The following ZNF568 variants were observed in gnomAD, a reference collection of about 807,000 sequenced individuals.
ZNF568 encodes p53 inhibitor of SCO2 activation.
Under a neutral mutation model 18.1 loss-of-function variants are expected in ZNF568, and 11 were observed. The ratio of observed to expected loss-of-function variants is 0.61; its 90% CI spans 0.38 to 1.00. The LOEUF is 1.00. Among genes scored for constraint, ZNF568 ranks in the 50% least tolerant of loss-of-function variants. ZNF568 has a pLI of 0.01. For synonymous variants in ZNF568, 213 were observed against 246.6 expected (o/e 0.86, Z 1.28); for missense variants, 639 against 768.2 (o/e 0.83, Z 1.99).
chr19:36,954,813 G>A (rs2074095313), downstream of ZNF568, among the ~76,000 whole-genome samples: 1 of 151,716 alleles, frequency 6.6e-6, no homozygotes, highest in Non-Finnish European at 1.5e-5. Flanking sequence ...CTGACCTCAG[G>A]TGATCCACCC....
At chr19:36,925,964 A>C (rs1289288839) in intron 4 of ZNF568, among the ~76,000 whole-genome samples, 1 of 152,104 alleles carries the variant, frequency 6.6e-6, no homozygotes, top group Non-Finnish European at 1.5e-5. Context: ...TAATTCCTTA[A>C]TTCTTACAAT....
rs1035701023 is a variant in ZNF568 at position 36,963,037 on chromosome 19, G to C, written c.359-11383G>C. 3.3e-5 allele frequency among the ~76,000 whole-genome samples: 5 copies of C among 152,084 alleles called. 1 individual carries two copies. Among genetic ancestry groups the C allele is most frequent in the African/African-American group, 1.2e-4 (5 of 41,424 alleles). On this transcript the variant is annotated intron_variant, in intron 6 of 7. Transcript: ENST00000427117. Reference sequence around the variant, plus strand: ...TGTCTGAATCTCTTGTTAGGCTTTGGAAGTTTTCATCCATAATTTTATTAA... The same window carrying C: ...TGTCTGAATCTCTTGTTAGGCTTTGCAAGTTTTCATCCATAATTTTATTAA...
downstream of ZNF568, chr19:36,997,628 CA>C: frequency 6.7e-7 from 1 of 1,496,604 alleles, no homozygotes; most frequent in Non-Finnish European, 9.0e-7. Flanking sequence ...GGTGAGAAAC[CA>C]TATGAATGTC....
chr19:36,950,403 C>T lies in ZNF568; in HGVS notation c.1250C>T (p.Pro417Leu), dbSNP rs762810225. The T allele has an allele frequency of 2.0e-5, 32 of 1,613,852 alleles. No individual in the cohort carries two copies. The highest frequency in any genetic ancestry group is 2.0e-5 in the Non-Finnish European group (24 of 1,179,982). Residue 417 changes from proline to leucine, a missense_variant, in exon 7 of 7, where the codon CCC becomes CTC. By Grantham distance (98) the Pro-to-Leu change is moderately conservative. Coordinates refer to ENST00000333987, the MANE Select transcript of ZNF568 (RefSeq NM_198539.4). ...ATGAGAAGTCACACTGGTGAGAAAC[C>T]CTATGTATGTAGTGAATGTGGGAAA... ...IHMRSHTGEK[P>L]YVCSECGKAF... is the part of the protein sequence containing the mutation.
At chr19:36,993,596 G>A (rs1467511292) in intron 4 of ZNF568, among the ~76,000 whole-genome samples, 1 of 151,960 alleles carries the variant, frequency 6.6e-6, no homozygotes, top group African/African-American at 2.4e-5. Flanking sequence ...GTCTATTCAG[G>A]TATTCTATTT....
intron 4 of ZNF568, chr19:36,991,954 C>G: frequency 1.2e-6 from 1 of 836,734 alleles, no homozygotes; most frequent in East Asian, 2.8e-5. Flanking sequence ...CCTAAAAAGG[C>G]TTGAGATCTG....
rs1345444201 is a variant in ZNF568, at chr19:36,922,584, A to G, written c.-185-2A>G. ...AAATTAGATTTATATCCTAATCCAC[A>G]GGTCCTGGTTCCACAAGGATAAAAC... On this transcript the variant is annotated splice_acceptor_variant, in intron 2 of 6. Transcript: ENST00000333987. LOFTEE classifies it low-confidence loss of function (5UTR_SPLICE). The G allele has an allele frequency of 2.2e-6, 1 of 450,052 alleles. No homozygotes were observed. Among genetic ancestry groups the G allele is most frequent in the Non-Finnish European group, 4.0e-6 (1 of 252,428 alleles). The allele number at this position is 450,052 out of a possible 1,614,324, so 27.9% of individuals were successfully genotyped here. A position where few individuals can be genotyped will look rare whatever the true frequency, so the allele number is the denominator to read the frequency against.
chr19:36,972,047 A>G lies in ZNF568; in HGVS notation c.359-2373A>G, dbSNP rs577797421. Among the ~76,000 whole-genome samples the G allele has an allele frequency of 2.0e-5, 3 of 151,780 alleles. No homozygotes were observed. In the South Asian group the frequency reaches 6.2e-4, roughly 32 times the overall value. On this transcript the variant is annotated intron_variant, in intron 6 of 7. Coordinates refer to the ZNF568 transcript ENST00000427117. ...ACAGGGTTTCACCATGTTGGCCAGG[A>G]TGGTCTTGATCTCTTGACCTCGTGA...
chr19:36,954,503 G>A (rs1194861143), downstream of ZNF568, among the ~76,000 whole-genome samples: 4 of 151,664 alleles, frequency 2.6e-5, no homozygotes, highest in Admixed American at 6.6e-5. Flanking sequence ...TTATCATTTC[G>A]TAGTCCCTTC....
chr19:36,937,471 T>G (rs1004857018), intron 6 of ZNF568, among the ~76,000 whole-genome samples: 1 of 152,240 alleles, frequency 6.6e-6, no homozygotes, highest in African/African-American at 2.4e-5. Flanking sequence ...CTATCCAATT[T>G]CATAATACCA....
At chr19:36,954,831 C>A (rs1426137741), downstream of ZNF568, among the ~76,000 whole-genome samples, 1 of 151,906 alleles carries the variant, frequency 6.6e-6, no homozygotes, top group African/African-American at 2.4e-5. Flanking sequence ...CCCACCTTGG[C>A]CTCCCAAAGT....
At chr19:36,962,286 T>A (rs1337381138) in intron 6 of ZNF568, among the ~76,000 whole-genome samples, 3 of 144,182 alleles carry the variant, frequency 2.1e-5, no homozygotes, top group Non-Finnish European at 3.0e-5. Flanking sequence ...TGTTTTTTTT[T>A]TTTTTTTTTT....
At position 36,951,925 on chromosome 19, in the gene ZNF568, C is replaced by T. The variant is rs561943677; in HGVS notation, c.*837C>T. The T allele has an allele frequency of 2.2e-5, 22 of 984,258 alleles. No individual in the cohort carries two copies. The East Asian group carries it at 2.3e-3, about 102-fold the overall frequency. 61.0% of individuals were successfully genotyped at this position (984,258 alleles called of 1,614,324 possible). A position where few individuals can be genotyped will look rare whatever the true frequency, so the allele number is the denominator to read the frequency against. On this transcript the variant is annotated 3_prime_UTR_variant, in exon 7 of 7. Coordinates refer to ENST00000333987, the MANE Select transcript of ZNF568 (RefSeq NM_198539.4). Reference sequence around the variant, plus strand: ...GGTTTACAGGCTTGAGCCACTGCACCTGGCCAAAAAATTAACATTCTAAAG... The same window carrying T: ...GGTTTACAGGCTTGAGCCACTGCACTTGGCCAAAAAATTAACATTCTAAAG...
At chr19:36,922,491 A>C (rs2146267165) in intron 2 of ZNF568, 95 bp from the exon 3 acceptor site, 1 of 327,778 alleles carries the variant, frequency 3.1e-6, no homozygotes, top group East Asian at 5.3e-5. Flanking sequence ...GAATACCAGA[A>C]GACGGTGGTC....
intron 6 of ZNF568, among the ~76,000 whole-genome samples, chr19:36,946,798 A>ACC (rs1192333050): frequency 6.6e-6 from 1 of 151,130 alleles, no homozygotes; most frequent in African/African-American, 2.4e-5. Flanking sequence ...GATTATAGGC[A>ACC]TGCTCCACCA....
chr19:36,988,186 C>T (rs2074392834), intron 2 of ZNF568, among the ~76,000 whole-genome samples: 1 of 151,770 alleles, frequency 6.6e-6, no homozygotes. Context: ...ACTCCTGGAC[C>T]CAAGCGATCC....
At position 36,996,719 on chromosome 19, in the gene ZNF568, A is replaced by G. The variant is rs1038997998; in HGVS notation, c.632A>G (p.Asn211Ser). 5.2e-6 allele frequency: 8 copies of G among 1,536,706 alleles called. No individual in the cohort carries two copies. The African/African-American group carries it at 9.6e-5, about 18-fold the overall frequency. ...CATGAAAGCAAAAAACATAGTGAAAATAACAAATGTGCCTTTAATCATGAT... is the reference window on the plus strand; with the variant it reads ...CATGAAAGCAAAAAACATAGTGAAAGTAACAAATGTGCCTTTAATCATGAT... Residue 211 changes from asparagine to serine, a missense_variant, in exon 5 of 5, where the codon AAT becomes AGT. Physicochemically the swap from Asn to Ser is conservative, Grantham distance 46. Transcript: ENST00000433993.
chr19:36,956,873 C>T (rs779949216), downstream of ZNF568, among the ~76,000 whole-genome samples: 2 of 152,116 alleles, frequency 1.3e-5, no homozygotes, highest in African/African-American at 4.8e-5. Flanking sequence ...GCTGAAATTA[C>T]AGGTGTTAGC....
chr19:36,983,396 C>T (rs1203510281), downstream of ZNF568, among the ~76,000 whole-genome samples: 2 of 151,614 alleles, frequency 1.3e-5, no homozygotes, highest in Admixed American at 6.6e-5. Context: ...TCTTCTATGC[C>T]ATTTACTACC....
Sources: gnomAD v4.1 joint callset for allele counts (sites outside exome capture counted in the v4.1 genomes callset) on GRCh38, gnomAD v4.1.1 for gene constraint, MANE v1.5 for transcripts, NCBI Gene and HGNC (gene_info 2026-07-23, HGNC 2026-07-21) for gene names.